Variants in MTUS2 observed in about 807,000 individuals in gnomAD.
MTUS2 encodes microtubule associated scaffold protein 2.
MTUS2 carries 40 observed loss-of-function variants against 114.1 expected under a neutral mutation model. The ratio of observed to expected loss-of-function variants is 0.35; its 90% CI spans 0.27 to 0.46. MTUS2 has a LOEUF of 0.46. Ranked by LOEUF, MTUS2 falls within the 20% of genes least tolerant of loss-of-function variation. The pLI is 1.00. For missense variants in MTUS2, 1,679 were observed against 1,705.4 expected (o/e 0.98, Z 0.27); for synonymous variants, 688 against 672.0 (o/e 1.02, Z -0.37).
At chr13:29,431,860 T>C (rs555374129) in intron 8 of MTUS2, among the ~76,000 whole-genome samples, 2 of 152,060 alleles carry the variant, frequency 1.3e-5, no homozygotes, top group Non-Finnish European at 1.5e-5. Flanking sequence ...TTTTGTTTTG[T>C]TTGAGATAGG....
intron 2 of MTUS2, among the ~76,000 whole-genome samples, chr13:28,902,457 G>T (rs1311091499): frequency 6.6e-6 from 1 of 152,036 alleles, no homozygotes; most frequent in African/African-American, 2.4e-5. Flanking sequence ...AATGTCCCCT[G>T]TAGGTTTTTT....
At chr13:28,909,152 AGGATTGACTT>A (rs1380659946) in intron 2 of MTUS2, among the ~76,000 whole-genome samples, 2 of 151,592 alleles carry the variant, frequency 1.3e-5, no homozygotes, top group Non-Finnish European at 2.9e-5. Context: ...CTTTTGGCTT[AGGATTGACTT>A]GGCGATGCGG....
intron 5 of MTUS2, among the ~76,000 whole-genome samples, chr13:29,193,824 C>T (rs1346700427): frequency 1.3e-5 from 2 of 152,120 alleles, no homozygotes; most frequent in African/African-American, 4.8e-5. Flanking sequence ...GGAGGCATCA[C>T]ACTACCTGAC....
chr13:29,335,153 A>G (rs1900988271), intron 7 of MTUS2, among the ~76,000 whole-genome samples: 1 of 152,202 alleles, frequency 6.6e-6, no homozygotes, highest in Non-Finnish European at 1.5e-5. Flanking sequence ...TCTTTTTCTC[A>G]GCAAGGAACA....
At chr13:28,970,455 A>T (rs1317687351) in intron 2 of MTUS2, among the ~76,000 whole-genome samples, 1 of 152,210 alleles carries the variant, frequency 6.6e-6, no homozygotes, top group Admixed American at 6.5e-5. Flanking sequence ...TCGTTCATTC[A>T]TGCGTTGTCT....
At chr13:28,864,174 C>G (rs1238295820) in intron 2 of MTUS2, among the ~76,000 whole-genome samples, 2 of 152,126 alleles carry the variant, frequency 1.3e-5, no homozygotes, top group African/African-American at 4.8e-5. Flanking sequence ...AATTTCTAAC[C>G]ATCTGTACCT....
rs115830877 is a variant in MTUS2 at position 29,231,330 on chromosome 13, A to T, written c.2645-50374A>T. 4.0e-3 allele frequency among the ~76,000 whole-genome samples: 602 copies of T among 152,280 alleles called. 5 individuals carry two copies. Among genetic ancestry groups the T allele is most frequent in the African/African-American group, 0.014 (571 of 41,548 alleles). On this transcript the variant is annotated intron_variant, in intron 5 of 15. Coordinates refer to ENST00000612955, the MANE Select transcript of MTUS2 (RefSeq NM_001033602.4). ...AGTTTTTTAAAACTTTTTCCAACAC[A>T]CAAAACTAAATACTTTCCTGCTGCT...
Position 28,914,369 on chromosome 13 carries a change from A to G in MTUS2, c.-243+74519A>G, listed in dbSNP as rs549834545. Among the ~76,000 whole-genome samples the G allele has an allele frequency of 1.4e-4, 21 of 152,082 alleles. 1 individual carries two copies. The highest frequency in any genetic ancestry group is 4.8e-4 in the African/African-American group (20 of 41,564). ...CATTATTTACCCAGGAGTCATTCAG[A>G]GGAAGGTAGTTTATTTTCCATGTAG... On this transcript the variant is annotated intron_variant, in intron 2 of 15. Transcript: ENST00000612955.
intron 2 of MTUS2, among the ~76,000 whole-genome samples, chr13:28,854,676 A>C (rs1055624718): frequency 6.6e-6 from 1 of 152,232 alleles, no homozygotes; most frequent in Non-Finnish European, 1.5e-5. Context: ...ATAAATTTTA[A>C]AAGTTACAAA....
At chr13:29,460,810 A>G (rs1011297927) in intron 9 of MTUS2, among the ~76,000 whole-genome samples, 3 of 152,000 alleles carry the variant, frequency 2.0e-5, no homozygotes, top group Non-Finnish European at 4.4e-5. Context: ...CAGGGGATAG[A>G]CTGATTTTTT....
In MTUS2 at chr13:29,181,788, CTGTGTG is replaced by C. The variant is rs34853883; in HGVS notation, c.2644+80848_2644+80853del. Among the ~76,000 whole-genome samples, 1,221 of 145,960 alleles carry C rather than the reference CTGTGTG, an allele frequency of 8.4e-3. 6 individuals carry two copies. Among genetic ancestry groups the C allele is most frequent in the South Asian group, 0.013 (58 of 4,498 alleles). ...AGAAATCATTATAATTTATATACTACTGTGTGTGTGTGTGTGTGTGTGTGTGTGTGT... is the reference window on the plus strand; with the variant it reads ...AGAAATCATTATAATTTATATACTACTGTGTGTGTGTGTGTGTGTGTGTGT... On this transcript the variant is annotated intron_variant, in intron 5 of 15. Coordinates refer to ENST00000612955, the MANE Select transcript of MTUS2 (RefSeq NM_001033602.4).
intron 5 of MTUS2, among the ~76,000 whole-genome samples, chr13:29,194,944 AG>A (rs1894617366): frequency 6.7e-6 from 1 of 149,620 alleles, no homozygotes; most frequent in East Asian, 2.0e-4. Flanking sequence ...TGTCCTTTGT[AG>A]GGACATGGAT....
intron 2 of MTUS2, among the ~76,000 whole-genome samples, chr13:28,926,791 A>C (rs191097144): frequency 6.6e-6 from 1 of 152,332 alleles, no homozygotes; most frequent in East Asian, 1.9e-4. Context: ...AAATGTATTT[A>C]AAATTATATA....
At chr13:28,848,168 A>G (rs906866838) in intron 2 of MTUS2, among the ~76,000 whole-genome samples, 17 of 152,226 alleles carry the variant, frequency 1.1e-4, no homozygotes, top group African/African-American at 3.1e-4. Context: ...GAGAACGTCA[A>G]AAGGAATAAA....
chr13:28,911,170 C>A (rs1289817097), intron 2 of MTUS2, among the ~76,000 whole-genome samples: 2 of 140,844 alleles, frequency 1.4e-5, no homozygotes, highest in Non-Finnish European at 3.0e-5. Flanking sequence ...CCACTGCGCC[C>A]TGCTTTTTTT....
At chr13:28,977,518 C>T (rs142246555) in intron 2 of MTUS2, among the ~76,000 whole-genome samples, 8 of 152,226 alleles carry the variant, frequency 5.3e-5, no homozygotes, top group African/African-American at 1.7e-4. Flanking sequence ...ATATAACCTA[C>T]GAGGTAATTG....
chr13:29,307,665 C>T (rs772842279), intron 6 of MTUS2: 126 of 1,128,626 alleles, frequency 1.1e-4, no homozygotes, highest in Middle Eastern at 5.7e-4. Flanking sequence ...CCACCTTCGA[C>T]GCTGGGGCTA....
chr13:29,099,244 G>GT (rs958178041), intron 4 of MTUS2, among the ~76,000 whole-genome samples: 3 of 152,144 alleles, frequency 2.0e-5, no homozygotes, highest in Admixed American at 6.5e-5. Flanking sequence ...TTTGTTTTTT[G>GT]TTTTTTGTGC....
At chr13:28,945,990 T>C (rs150643595) in intron 2 of MTUS2, among the ~76,000 whole-genome samples, 136 of 152,332 alleles carry the variant, frequency 8.9e-4, no homozygotes, top group African/African-American at 3.2e-3. Flanking sequence ...TCATGGATGA[T>C]GATGTATTCA....
Sources: gnomAD v4.1 joint callset for allele counts (sites outside exome capture counted in the v4.1 genomes callset) on GRCh38, gnomAD v4.1.1 for gene constraint, MANE v1.5 for transcripts, NCBI Gene and HGNC (gene_info 2026-07-23, HGNC 2026-07-21) for gene names.